NYX: variants seen among roughly 807,000 people sequenced by gnomAD.
The protein encoded by NYX is leucine-rich repeat protein.
For missense variants in NYX, 481 were observed against 485.4 expected (o/e 0.99, Z 0.09); for synonymous variants, 258 against 245.7 (o/e 1.05, Z -0.47).
chrX:41,474,326 C>G lies in NYX; in HGVS notation c.858C>G (p.Ala286=), dbSNP rs750835128. 1 of 1,208,875 alleles carries G rather than the reference C, an allele frequency of 8.3e-7. No individual in the cohort carries two copies. Among genetic ancestry groups the G allele is most frequent in the Admixed American group, 2.2e-5 (1 of 46,149 alleles). The part of the protein sequence containing the change: ...ELLYLDRNSI[A]FVEEGAFQNL... Reference sequence around the variant, plus strand: ...TCTACCTGGACCGCAACAGCATCGCCTTCGTGGAGGAGGGCGCCTTCCAGA... The same window carrying G: ...TCTACCTGGACCGCAACAGCATCGCGTTCGTGGAGGAGGGCGCCTTCCAGA... Residue 286 remains alanine, a synonymous_variant, in exon 3 of 3, where the codon GCC becomes GCG. Coordinates refer to ENST00000378220, the MANE Select transcript of NYX (RefSeq NM_001378477.3).
chrX:41,449,969 G>T (rs1270728411), intron 2 of NYX, among the ~76,000 whole-genome samples: 3 of 110,794 alleles, frequency 2.7e-5, no homozygotes, highest in African/African-American at 9.8e-5. Context: ...TACCTCCTTG[G>T]CCAGAAAGAA....
intron 2 of NYX, among the ~76,000 whole-genome samples, chrX:41,471,819 A>G (rs1005076229): frequency 3.5e-5 from 2 of 56,845 alleles, no homozygotes; most frequent in African/African-American, 6.3e-5. Flanking sequence ...GCACTGGTGT[A>G]TATATATATA....
intron 2 of NYX, among the ~76,000 whole-genome samples, chrX:41,464,887 T>G (rs1288246869): frequency 9.0e-6 from 1 of 111,398 alleles, no homozygotes; most frequent in African/African-American, 3.3e-5. Flanking sequence ...CTTCTTTTTA[T>G]TTTCTCTCTG....
At chrX:41,467,358 A>T (rs940614895) in intron 2 of NYX, among the ~76,000 whole-genome samples, 1 of 108,993 alleles carries the variant, frequency 9.2e-6, no homozygotes, top group Admixed American at 1.0e-4. Flanking sequence ...ATTATTATTT[A>T]TTATTTATTA....
intron 2 of NYX, among the ~76,000 whole-genome samples, chrX:41,463,475 T>C (rs11266311): frequency 0.33 from 35,320 of 105,452 alleles, 4,927 homozygotes; most frequent in African/African-American, 0.5. Context: ...CAGGCTGGAG[T>C]GCAGTGGCGC....
intron 2 of NYX, among the ~76,000 whole-genome samples, chrX:41,467,727 A>C: frequency 9.0e-6 from 1 of 110,763 alleles, no homozygotes; most frequent in East Asian, 2.8e-4. Context: ...GTCCAATCAT[A>C]GCTCACTGTA....
intron 2 of NYX, among the ~76,000 whole-genome samples, chrX:41,448,289 C>T (rs186264961): frequency 9.0e-6 from 1 of 111,622 alleles, no homozygotes; most frequent in East Asian, 2.8e-4. Context: ...GTCACCCAGG[C>T]TGGAGTACAG....
At chrX:41,447,690 G>A (rs1232198043) in intron 1 of NYX, 159 bp from the exon 2 acceptor site, 8 of 459,345 alleles carry the variant, frequency 1.7e-5, no homozygotes, top group Non-Finnish European at 3.1e-5. Flanking sequence ...CTGATTTTCT[G>A]TTGTTACTGG....
intron 2 of NYX, chrX:41,472,677 C>T (rs1257479896): frequency 7.9e-6 from 3 of 378,833 alleles, no homozygotes; most frequent in East Asian, 8.0e-5. Flanking sequence ...TCCGTGGCTA[C>T]TGTGCGCGCC....
chrX:41,474,745 C>G lies in NYX; in HGVS notation c.1277C>G (p.Ala426Gly). ...LAPRVPVEEAANTTGGLANAS... is the reference protein window; with the variant it reads ...LAPRVPVEEAGNTTGGLANAS... ...CCGAGGGTCCCGGTGGAGGAGGCGG[C>G]CAACACCACTGGGGGGCTGGCCAAC... is the stretch of plus-strand genomic sequence containing the variant. Residue 426 changes from alanine to glycine, a missense_variant, in exon 3 of 3, where the codon GCC becomes GGC. By Grantham distance (60) the Ala-to-Gly change is moderately conservative. Transcript: ENST00000378220. 6.7e-6 allele frequency: 8 copies of G among 1,194,192 alleles called. No homozygotes were observed. Among genetic ancestry groups the G allele is most frequent in the Non-Finnish European group, 7.9e-6 (7 of 888,159 alleles).
At position 41,474,358 on chromosome X, in the gene NYX, C is replaced by T. The variant is rs770193408; in HGVS notation, c.890C>T (p.Ser297Leu). ...FVEEGAFQNL[S>L]GLLALHLNGN... The stretch of plus-strand genomic sequence containing the variant: ...GAGGAGGGCGCCTTCCAGAACCTCT[C>T]GGGTCTCCTCGCGCTGCACCTCAAC... Residue 297 changes from serine to leucine, a missense_variant, in exon 3 of 3, where the codon TCG (serine) becomes TTG (leucine). Coordinates refer to ENST00000378220, the MANE Select transcript of NYX (RefSeq NM_001378477.3). 2.7e-5 allele frequency: 33 copies of T among 1,206,835 alleles called. No individual in the cohort carries two copies. Among genetic ancestry groups the T allele is most frequent in the Middle Eastern group, 2.3e-4 (1 of 4,373 alleles).
chrX:41,457,187 TC>T, intron 2 of NYX, among the ~76,000 whole-genome samples: 2 of 108,269 alleles, frequency 1.8e-5, no homozygotes, highest in East Asian at 5.9e-4. Flanking sequence ...ATGCCTGTAA[TC>T]CCAGCTACTC....
intron 2 of NYX, among the ~76,000 whole-genome samples, chrX:41,448,756 C>T (rs903023641): frequency 6.5e-5 from 7 of 107,250 alleles, no homozygotes; most frequent in Non-Finnish European, 1.2e-4. Flanking sequence ...GACGGGGTTT[C>T]GCCATATTGC....
At chrX:41,465,796 T>C (rs754181257) in intron 2 of NYX, among the ~76,000 whole-genome samples, 2 of 108,142 alleles carry the variant, frequency 1.8e-5, no homozygotes, top group Admixed American at 2.0e-4. Context: ...GTGCTGGGAT[T>C]ACAGGCGTGA....
chrX:41,460,693 A>T (rs1196057676), intron 2 of NYX, among the ~76,000 whole-genome samples: 1 of 108,889 alleles, frequency 9.2e-6, no homozygotes, highest in Non-Finnish European at 1.9e-5. Context: ...TCCTCACGAA[A>T]CCATCACCTC....
In NYX at chrX:41,468,885, T is replaced by A. The variant is rs946952803; in HGVS notation, c.23-4606T>A. ...AGTTAAGGTTATATTCTTGGCCCTG[T>A]CTCCCTAGCAGGGTGTCTCCCCAGC... On this transcript the variant is annotated intron_variant, in intron 2 of 2. Transcript: ENST00000378220. 3.6e-5 allele frequency among the ~76,000 whole-genome samples: 4 copies of A among 111,525 alleles called. No individual in the cohort carries two copies. In the South Asian group the frequency reaches 1.5e-3, roughly 41 times the overall value.
At position 41,464,163 on chromosome X, in the gene NYX, T is replaced by A. The variant is rs868123355; in HGVS notation, c.23-9328T>A. ...TAATCCCATTCTTTTTTTTTTTTTT[T>A]AAAACAAGGTCTGGCTCTGTGGCCC... On this transcript the variant is annotated intron_variant, in intron 2 of 2. Transcript: ENST00000378220. Among the ~76,000 whole-genome samples, 264 of 108,531 alleles carry A rather than the reference T, an allele frequency of 2.4e-3. 1 individual carries two copies. The highest frequency in any genetic ancestry group is 8.2e-3 in the African/African-American group (245 of 29,856). The allele number at this position is 108,531 out of a possible 115,157, so 94.2% of individuals were successfully genotyped here.
In NYX at chrX:41,473,848, C is replaced by G. The variant is rs770131559; in HGVS notation, c.380C>G (p.Ala127Gly). The G allele has an allele frequency of 4.5e-6, 5 of 1,101,364 alleles. No homozygotes were observed. In the African/African-American group the frequency reaches 9.6e-5, roughly 21 times the overall value. The allele number at this position is 1,101,364 out of a possible 1,213,427, so 90.8% of individuals were successfully genotyped here. ...DLRYLHARTFAALSRLRRLDL... is the reference protein window; with the variant it reads ...DLRYLHARTFGALSRLRRLDL... ...CGCTACCTGCACGCGCGCACCTTCG[C>G]GGCGCTCAGCCGCCTGCGCCGCCTA... The change falls in exon 3 of 3, where the codon GCG becomes GGG. Residue 127 changes from alanine to glycine, a missense_variant. Physicochemically the swap from Ala to Gly is moderately conservative, Grantham distance 60. Transcript: ENST00000378220.
intron 2 of NYX, among the ~76,000 whole-genome samples, chrX:41,467,296 C>A (rs927901426): frequency 6.3e-5 from 7 of 110,254 alleles, no homozygotes; most frequent in Middle Eastern, 4.7e-3. Context: ...CTGAACAAAC[C>A]AATACAGTTT....
Sources: allele counts gnomAD v4.1 joint callset (sites outside exome capture counted in the v4.1 genomes callset), GRCh38; gene constraint gnomAD v4.1.1; transcripts MANE v1.5; gene names NCBI Gene and HGNC (gene_info 2026-07-23, HGNC 2026-07-21).